The following KLHL25 variants were observed in gnomAD, a reference collection of about 807,000 sequenced individuals.
KLHL25 encodes kelch like family member 25, also known as kelch-like protein 25.
In KLHL25, 41 loss-of-function variants were observed where a neutral mutation model predicts 30.0. The ratio of observed to expected loss-of-function variants is 1.37; its 90% CI spans 1.07 to 1.78. The LOEUF is 1.78. KLHL25 is among the 40% of genes most tolerant of loss of function. The probability of loss-of-function intolerance (pLI) is 0.00; values close to 1 mark genes in which losing one functional copy is unlikely to be tolerated. For synonymous variants in KLHL25, 399 were observed against 355.3 expected (o/e 1.12, Z -1.38); for missense variants, 971 against 824.5 (o/e 1.18, Z -2.18).
At chr15:85,767,584 G>A (rs976222995) in intron 2 of KLHL25, among the ~76,000 whole-genome samples, 4 of 152,168 alleles carry the variant, frequency 2.6e-5, no homozygotes, top group African/African-American at 4.8e-5. Context: ...AGCCTTCAGC[G>A]ACTTCTATAA....
intron 1 of KLHL25, among the ~76,000 whole-genome samples, chr15:85,779,842 T>C (rs1017261587): frequency 1.3e-5 from 2 of 152,238 alleles, no homozygotes; most frequent in African/African-American, 4.8e-5. Flanking sequence ...CACTATGGTT[T>C]ACAAATCCAT....
At chr15:85,775,314 A>G (rs999964719) in intron 1 of KLHL25, among the ~76,000 whole-genome samples, 4 of 152,162 alleles carry the variant, frequency 2.6e-5, no homozygotes, top group Non-Finnish European at 5.9e-5. Context: ...ACCCAAGCAC[A>G]AGACTTAGAG....
intron 2 of KLHL25, chr15:85,763,071 C>T (rs1439083402): frequency 2.0e-5 from 3 of 152,274 alleles, no homozygotes; most frequent in African/African-American, 7.2e-5. Context: ...GGAGTCTGCG[C>T]CTTAAAGGGC....
chr15:85,793,315 C>T (rs770195934), intron 1 of KLHL25, among the ~76,000 whole-genome samples: 13 of 152,128 alleles, frequency 8.5e-5, no homozygotes, highest in Non-Finnish European at 1.9e-4. Flanking sequence ...CCATTTCTAC[C>T]TCCCTTTTAT....
At chr15:85,774,279 C>T (rs2089695982) in intron 1 of KLHL25, among the ~76,000 whole-genome samples, 1 of 152,132 alleles carries the variant, frequency 6.6e-6, no homozygotes, top group Non-Finnish European at 1.5e-5. Context: ...AGGCACATAG[C>T]GTAACTGCAC....
chr15:85,777,596 G>A (rs1048501452), intron 1 of KLHL25, among the ~76,000 whole-genome samples: 4 of 152,234 alleles, frequency 2.6e-5, no homozygotes, highest in Admixed American at 2.6e-4. Flanking sequence ...AAGCACACTT[G>A]AAGGGCAGCC....
chr15:85,762,451 G>T (rs2151803961), intron 2 of KLHL25: 1 of 7,430 alleles, frequency 1.3e-4, no homozygotes, highest in Non-Finnish European at 6.0e-4. Flanking sequence ...CTCAGGCTGG[G>T]TCCCTTTGTT....
chr15:85,771,991 A>C (rs1423324079), intron 1 of KLHL25, among the ~76,000 whole-genome samples: 1 of 152,112 alleles, frequency 6.6e-6, no homozygotes, highest in Non-Finnish European at 1.5e-5. Flanking sequence ...GGAATTGCCT[A>C]ATCTGAATTC....
intron 1 of KLHL25, chr15:85,770,501 C>T (rs1366411387): frequency 1.9e-6 from 1 of 534,294 alleles, no homozygotes; most frequent in South Asian, 1.4e-5. Context: ...ACAAGAGCCG[C>T]CATCAAGGCC....
At chr15:85,778,850 T>C (rs1414239561) in intron 1 of KLHL25, among the ~76,000 whole-genome samples, 2 of 151,906 alleles carry the variant, frequency 1.3e-5, no homozygotes, top group Non-Finnish European at 2.9e-5. Context: ...GACAGAGGGA[T>C]CCCGAAGAGG....
Position 85,768,541 on chromosome 15 carries a change from A to T in KLHL25, c.1270T>A (p.Trp424Arg), listed in dbSNP as rs150479686. Residue 424 changes from tryptophan (W) to arginine (R), a missense_variant, in exon 2 of 3, where the codon TGG becomes AGG. Physicochemically the swap from Trp to Arg is moderately radical, Grantham distance 101 (BLOSUM62 -3). Coordinates refer to ENST00000337975, the MANE Select transcript of KLHL25 (RefSeq NM_022480.4). ...TCCCGCAAGGGGGCCACCATCATCC[A>T]CTTGTTGGCCCCAGGGTCGTATTTC... is the stretch of plus-strand genomic sequence containing the variant. ...VEKYDPGANK[W>R]MMVAPLRDGV... is the part of the protein sequence containing the mutation. The T allele has an allele frequency of 1.2e-6, 2 of 1,613,270 alleles. No individual in the cohort carries two copies. Among genetic ancestry groups the T allele is most frequent in the Non-Finnish European group, 1.7e-6 (2 of 1,179,734 alleles).
At chr15:85,792,224 G>T (rs1306536158) in intron 1 of KLHL25, among the ~76,000 whole-genome samples, 1 of 152,240 alleles carries the variant, frequency 6.6e-6, no homozygotes, top group East Asian at 1.9e-4. Context: ...AGCTGTGGAT[G>T]CTTAAGTTCT....
chr15:85,771,332 A>G (rs1193336383), intron 1 of KLHL25, among the ~76,000 whole-genome samples: 1 of 152,162 alleles, frequency 6.6e-6, no homozygotes, highest in African/African-American at 2.4e-5. Flanking sequence ...AAAAAACCCT[A>G]AACAACAAAG....
Position 85,768,362 on chromosome 15 carries a change from C to A in KLHL25, c.1449G>T (p.Arg483=), listed in dbSNP as rs8041288. The A allele has an allele frequency of 0.1, 162,744 of 1,613,688 alleles. 8,838 individuals are homozygous for A. Among genetic ancestry groups the A allele is most frequent in the Middle Eastern group, 0.13 (779 of 6,062 alleles). ...TIKAECPQPW[R]YTAAAVLGSQ... Reference sequence around the variant, plus strand: ...TGCCCAGGACGGCAGCGGCTGTGTACCGCCAAGGCTGGGGGCACTCGGCCT... The same window carrying A: ...TGCCCAGGACGGCAGCGGCTGTGTAACGCCAAGGCTGGGGGCACTCGGCCT... The change falls in exon 2 of 3, where the codon CGG becomes CGT. Residue 483 remains arginine, a synonymous_variant. Coordinates refer to ENST00000337975, the MANE Select transcript of KLHL25 (RefSeq NM_022480.4).
At chr15:85,769,861 T>A in intron 1 of KLHL25, 41 bp from the exon 2 acceptor site, 1 of 1,487,586 alleles carries the variant, frequency 6.7e-7, no homozygotes, top group Non-Finnish European at 9.1e-7. Flanking sequence ...GAGCCCCTCC[T>A]GCCCATCTGC....
chr15:85,784,267 GC>G (rs1246391696), intron 1 of KLHL25, among the ~76,000 whole-genome samples: 23 of 152,232 alleles, frequency 1.5e-4, no homozygotes, highest in African/African-American at 5.3e-4. Context: ...GGTGGCTCAT[GC>G]CTGTAATCCC....
Position 85,769,502 on chromosome 15 carries a change from G to C in KLHL25, c.309C>G (p.Asp103Glu), listed in dbSNP as rs570159884. Residue 103 changes from aspartate (D) to glutamate (E), a missense_variant, in exon 2 of 3, where the codon GAC becomes GAG. Transcript: ENST00000337975. ...LHPEVLELLL[D>E]FAYSSRIAIN... ...TGGCGATGCGTGAGGAGTAGGCAAA[G>C]TCCAGCAGCAGCTCCAGCACCTCCG... 3.7e-6 allele frequency: 6 copies of C among 1,614,044 alleles called. No individual in the cohort carries two copies. In the South Asian group the frequency reaches 5.5e-5, roughly 15 times the overall value.
intron 2 of KLHL25, among the ~76,000 whole-genome samples, chr15:85,766,285 A>T (rs1404220842): frequency 1.3e-5 from 2 of 152,170 alleles, no homozygotes; most frequent in Non-Finnish European, 2.9e-5. Flanking sequence ...CCTGTGCTGG[A>T]GGCAGAGTGC....
Position 85,760,355 on chromosome 15 carries a change from C to T in KLHL25, c.*681G>A, listed in dbSNP as rs1031517854. The T allele has an allele frequency of 4.6e-5, 7 of 152,194 alleles. No homozygotes were observed. The South Asian group carries it at 1.5e-3, about 32-fold the overall frequency. The allele number at this position is 152,194 out of a possible 1,614,324, so 9.4% of individuals were successfully genotyped here. A position where few individuals can be genotyped will look rare whatever the true frequency, so the allele number is the denominator to read the frequency against. ...CTGAGTGGCCACGAGCAACTGTGTC[C>T]CCACCGGGCCACAGCACTGAGCAAG... On this transcript the variant is annotated 3_prime_UTR_variant, in exon 3 of 3. Transcript: ENST00000337975.
Sources: gnomAD v4.1 joint callset for allele counts (sites outside exome capture counted in the v4.1 genomes callset) on GRCh38, gnomAD v4.1.1 for gene constraint, MANE v1.5 for transcripts, NCBI Gene and HGNC (gene_info 2026-07-23, HGNC 2026-07-21) for gene names.